The following AGBL5 variants were observed in gnomAD, a reference collection of about 807,000 sequenced individuals.
AGBL5 encodes the protein AGBL carboxypeptidase 5, also known as cytosolic carboxypeptidase-like protein 5.
In AGBL5, 51 loss-of-function variants were observed where a neutral mutation model predicts 88.0. That is an observed-to-expected ratio of 0.58 (90% CI 0.46 to 0.73). The LOEUF is 0.73. Ranked by LOEUF, AGBL5 falls within the 30% of genes least tolerant of loss-of-function variation. AGBL5 has a pLI of 0.00. For missense variants in AGBL5, 1,031 were observed against 1,162.2 expected, an observed-to-expected ratio of 0.89 and a Z score of 1.64; for synonymous variants, 446 against 438.8, an observed-to-expected ratio of 1.02 and a Z score of -0.21.
In AGBL5 at chr2:27,056,107, A is replaced by ACTTC; in HGVS notation, c.1335_1336insTTCC (p.Gly446PhefsTer6). 6.2e-7 allele frequency: 1 copy of ACTTC among 1,613,650 alleles called. No individual in the cohort carries two copies. The highest frequency in any genetic ancestry group is 8.5e-7 in the Non-Finnish European group (1 of 1,179,638). The stretch of plus-strand genomic sequence containing the variant: ...GCTTCCAAAAGGGGCTGCTTCATGT[A>ACTTC]CGGAAACAGCTTTAGTGATGAGAGC... On this transcript the variant is annotated frameshift_variant, in exon 7 of 15. Coordinates refer to ENST00000360131, the MANE Select transcript of AGBL5 (RefSeq NM_021831.6). LOFTEE classifies it high-confidence loss of function.
Position 27,058,483 on chromosome 2 carries a change from C to A in AGBL5, c.1755C>A (p.Ser585Arg). ...GAATTGTACTGTCAGAGCACAGCAG[C>A]CTTACTAATCTACGGGCCTGGATGC... ...WPRIVLSEHSSLTNLRAWMLK... is the reference protein window; with the variant it reads ...WPRIVLSEHSRLTNLRAWMLK... The change falls in exon 10 of 15, where the codon AGC (serine) becomes AGA (arginine). Residue 585 changes from serine to arginine, a missense_variant. Physicochemically the swap from Ser to Arg is moderately radical, Grantham distance 110. Around this residue, in one of 2 missense-constraint regions of AGBL5, gnomAD observed 491 missense variants for 484.0 expected, o/e 1.01. Transcript: ENST00000360131. 1 of 1,614,182 alleles carries A rather than the reference C, an allele frequency of 6.2e-7. No individual in the cohort carries two copies. The highest frequency in any genetic ancestry group is 8.5e-7 in the Non-Finnish European group (1 of 1,180,044).
Position 27,059,279 on chromosome 2 carries a change from A to G in AGBL5, c.1964A>G (p.Gln655Arg). Residue 655 changes from glutamine to arginine, a missense_variant, in exon 11 of 15, where the codon CAA becomes CGA. By Grantham distance (43) the Gln-to-Arg change is conservative (BLOSUM62 1). Coordinates refer to ENST00000360131, the MANE Select transcript of AGBL5 (RefSeq NM_021831.6). Reference sequence around the variant, plus strand: ...AGTGCCGGTGGTAGCAGCAGCAGCCAACAAAATTCTCCACAGATGAAGAAT... The same window carrying G: ...AGTGCCGGTGGTAGCAGCAGCAGCCGACAAAATTCTCCACAGATGAAGAAT... ...GTSAGGSSSS[Q>R]QNSPQMKNSP... is the part of the protein sequence containing the mutation. 6.2e-7 allele frequency: 1 copy of G among 1,614,232 alleles called. No individual in the cohort carries two copies. Among genetic ancestry groups the G allele is most frequent in the South Asian group, 1.1e-5 (1 of 91,088 alleles).
intron 6 of AGBL5, 78 bp from the exon 7 acceptor site, chr2:27,055,604 T>TC: frequency 7.6e-7 from 1 of 1,321,242 alleles, no homozygotes; most frequent in Non-Finnish European, 1.0e-6. Flanking sequence ...TCTCCTACGG[T>TC]CTCCTTTTCA....
In AGBL5 at chr2:27,053,452, AG is replaced by A. The variant is rs1668278126; in HGVS notation, c.267del (p.Ile90SerfsTer4). The A allele has an allele frequency of 6.2e-7, 1 of 1,614,022 alleles. No individual in the cohort carries two copies. Among genetic ancestry groups the A allele is most frequent in the African/African-American group, 1.3e-5 (1 of 74,890 alleles). On this transcript the variant is annotated frameshift_variant, in exon 3 of 15. Transcript: ENST00000360131. LOFTEE classifies it high-confidence loss of function. The surrounding 1 kb of genome is among the most constrained non-coding windows in gnomAD (Gnocchi z 4.9). ...VRGGMPGKLI[K>X]INIMNMNKQS... ...GGAGGAATGCCAGGAAAACTCATCA[AG>A]ATCAACATTATGAACATGAACAAGC...
chr2:27,053,470 TGAACAAGCA>T lies in AGBL5; in HGVS notation c.287_295del (p.Asn96_Gln98del), dbSNP rs1348491089. ...CTCATCAAGATCAACATTATGAACA[TGAACAAGCA>T]GAGCAAGCTGTATTCCCAGGGCATG... is the stretch of plus-strand genomic sequence containing the variant. On this transcript the variant is annotated inframe_deletion, in exon 3 of 15. Coordinates refer to ENST00000360131, the MANE Select transcript of AGBL5 (RefSeq NM_021831.6). This position sits in a 1 kb window ranked among gnomAD's most constrained non-coding sequence, Gnocchi z 4.9. The T allele has an allele frequency of 6.2e-7, 1 of 1,614,036 alleles. No homozygotes were observed. The highest frequency in any genetic ancestry group is 2.2e-5 in the East Asian group (1 of 44,872).
At chr2:27,066,142 C>T (rs192856542) in intron 11 of AGBL5, among the ~76,000 whole-genome samples, 5 of 151,592 alleles carry the variant, frequency 3.3e-5, no homozygotes, top group Non-Finnish European at 7.4e-5. Context: ...GCCTGTTGTC[C>T]CAGCTACTTG....
In AGBL5 at chr2:27,067,592, G is replaced by A. The variant is rs1437455292; in HGVS notation, c.2188G>A (p.Ala730Thr). Residue 730 changes from alanine to threonine, a missense_variant, in exon 12 of 15, where the codon GCC becomes ACC. By Grantham distance (58) the Ala-to-Thr change is moderately conservative (BLOSUM62 0). Transcript: ENST00000360131. ...CCCAGCTCCTACTAGTTCTGGCCCAGCCTCCTCACACAAGCTGGGCTCCTG... is the reference window on the plus strand; with the variant it reads ...CCCAGCTCCTACTAGTTCTGGCCCAACCTCCTCACACAAGCTGGGCTCCTG... ...PSPAPTSSGP[A>T]SSHKLGSCLL... 6.2e-7 allele frequency: 1 copy of A among 1,614,032 alleles called. No homozygotes were observed. The highest frequency in any genetic ancestry group is 8.5e-7 in the Non-Finnish European group (1 of 1,179,976).
chr2:27,053,659 A>G lies in AGBL5; in HGVS notation c.387+86A>G, dbSNP rs1668288869. 4 of 1,507,744 alleles carry G rather than the reference A, an allele frequency of 2.7e-6. No homozygotes were observed. The highest frequency in any genetic ancestry group is 3.5e-6 in the Non-Finnish European group (4 of 1,127,846). The allele number at this position is 1,507,744 out of a possible 1,614,324, so 93.4% of individuals were successfully genotyped here. ...GCGTTTTTTTTTCCTTGATACAAGT[A>G]TGAAGCAGGTGGGACAACAGGTTTA... On this transcript the variant is annotated intron_variant, in intron 3 of 14. Coordinates refer to ENST00000360131, the MANE Select transcript of AGBL5 (RefSeq NM_021831.6). The surrounding 1 kb of genome is among the most constrained non-coding windows in gnomAD (Gnocchi z 4.9).
intron 11 of AGBL5, among the ~76,000 whole-genome samples, chr2:27,065,718 T>G (rs1668951757): frequency 6.6e-6 from 1 of 152,192 alleles, no homozygotes; most frequent in East Asian, 1.9e-4. Context: ...AGAGAACAAT[T>G]AATGTTGCCT....
chr2:27,065,013 C>G (rs1035285364), intron 11 of AGBL5, among the ~76,000 whole-genome samples: 2 of 152,000 alleles, frequency 1.3e-5, no homozygotes, highest in Non-Finnish European at 2.9e-5. Flanking sequence ...CTCAGCCTCC[C>G]AAAGTGGTGG....
chr2:27,065,804 G>A (rs1190025627), intron 11 of AGBL5, among the ~76,000 whole-genome samples: 1 of 152,196 alleles, frequency 6.6e-6, no homozygotes, highest in African/African-American at 2.4e-5. Context: ...GGTTTCACTA[G>A]AAAAGGAAAC....
rs139220048 is a variant in AGBL5, at chr2:27,057,352, C to T, written c.1585C>T (p.Pro529Ser). Residue 529 changes from proline to serine, a missense_variant, in exon 9 of 15, where the codon CCT becomes TCT. Physicochemically the swap from Pro to Ser is moderately conservative, Grantham distance 74. Coordinates refer to ENST00000360131, the MANE Select transcript of AGBL5 (RefSeq NM_021831.6). ...YNTGRSVNSI[P>S]AACHDNGRAS... ...CACTGGACGCTCAGTAAACAGCATC[C>T]CTGCTGCCTGCCATGACAATGGGCG... 13 of 1,613,924 alleles carry T rather than the reference C, an allele frequency of 8.1e-6. No homozygotes were observed. The African/African-American group carries it at 1.2e-4, about 15-fold the overall frequency.
chr2:27,055,434 G>A, intron 6 of AGBL5, 181 bp downstream of exon 6: 1 of 959,110 alleles, frequency 1.0e-6, no homozygotes, highest in Non-Finnish European at 1.5e-6. Context: ...TCCCAGAAAG[G>A]AACCAAACTA....
chr2:27,059,905 A>G (rs1307142902), intron 11 of AGBL5, among the ~76,000 whole-genome samples: 4 of 152,144 alleles, frequency 2.6e-5, no homozygotes, highest in African/African-American at 9.7e-5. Flanking sequence ...TCCCAGCACT[A>G]TGGGAGGCTG....
chr2:27,056,404 ATTGT>A (rs1668435155), intron 7 of AGBL5: 1 of 606,820 alleles, frequency 1.6e-6, no homozygotes, highest in African/African-American at 1.8e-5. Flanking sequence ...AAAATTTTGC[ATTGT>A]TGGAGGGAGG....
At chr2:27,055,051 T>C in intron 5 of AGBL5, 24 bp from the exon 6 acceptor site, 6 of 1,609,042 alleles carry the variant, frequency 3.7e-6, no homozygotes, top group Non-Finnish European at 5.1e-6. Context: ...ACTGACTTAA[T>C]GTCTGCTCTC....
chr2:27,058,302 T>C, intron 9 of AGBL5, 98 bp from the exon 10 acceptor site: 1 of 1,378,248 alleles, frequency 7.3e-7, no homozygotes. Flanking sequence ...ATTATAGGTC[T>C]GGCCCCTCCT....
At chr2:27,064,244 T>C (rs182496909) in intron 11 of AGBL5, among the ~76,000 whole-genome samples, 302 of 27,448 alleles carry the variant, frequency 0.011, 3 homozygotes, top group African/African-American at 0.018. Context: ...TGTTATCCTA[T>C]TGGCAACCTG....
chr2:27,069,653 C>A lies in AGBL5; in HGVS notation c.2436C>A (p.Pro812=). 7 of 1,614,192 alleles carry A rather than the reference C, an allele frequency of 4.3e-6. No individual in the cohort carries two copies. The highest frequency in any genetic ancestry group is 5.9e-6 in the Non-Finnish European group (7 of 1,180,020). The change falls in exon 14 of 15, where the codon CCC becomes CCA. Residue 812 remains proline, a synonymous_variant. Coordinates refer to ENST00000360131, the MANE Select transcript of AGBL5 (RefSeq NM_021831.6). ...KGSSGPTSPT[P]RTRESSELEL... Reference sequence around the variant, plus strand: ...CTTCAGGCCCCACATCCCCTACCCCCCGGACCAGGGAGAGCAGTGAGCTGG... The same window carrying A: ...CTTCAGGCCCCACATCCCCTACCCCACGGACCAGGGAGAGCAGTGAGCTGG...
Sources: allele counts gnomAD v4.1 joint callset (sites outside exome capture counted in the v4.1 genomes callset), GRCh38; gene constraint gnomAD v4.1.1; regional missense constraint gnomAD v4.1.1; non-coding constraint Gnocchi (gnomAD v3.1); transcripts MANE v1.5; gene names NCBI Gene and HGNC (gene_info 2026-07-23, HGNC 2026-07-21).